TMEM132D: variants seen among roughly 807,000 people sequenced by gnomAD.
TMEM132D encodes the protein mature OL transmembrane protein.
In TMEM132D, 21 loss-of-function variants were observed where a neutral mutation model predicts 62.3. The ratio of observed to expected loss-of-function variants is 0.34; its 90% CI spans 0.24 to 0.49. The LOEUF (loss-of-function observed/expected upper bound fraction) is 0.49. TMEM132D is among the 20% of genes least tolerant of loss of function. TMEM132D has a pLI of 0.99. For synonymous variants in TMEM132D, 621 were observed against 575.6 expected, an observed-to-expected ratio of 1.08 and a Z score of -1.13; for missense variants, 1,346 against 1,402.8, an observed-to-expected ratio of 0.96 and a Z score of 0.65.
intron 3 of TMEM132D, among the ~76,000 whole-genome samples, chr12:129,416,385 T>A (rs1034695411): frequency 1.3e-5 from 2 of 152,210 alleles, no homozygotes; most frequent in Non-Finnish European, 2.9e-5. Context: ...ATGCTTGTGA[T>A]TTTTGCACAT....
At chr12:129,836,083 AC>A (rs2137338860) in intron 1 of TMEM132D, among the ~76,000 whole-genome samples, 1 of 152,332 alleles carries the variant, frequency 6.6e-6, no homozygotes, top group African/African-American at 2.4e-5. Context: ...AGCTCATGTA[AC>A]TGTGTCAATG....
intron 3 of TMEM132D, among the ~76,000 whole-genome samples, chr12:129,363,897 G>T (rs1357840919): frequency 6.6e-6 from 1 of 152,184 alleles, no homozygotes; most frequent in Non-Finnish European, 1.5e-5. Context: ...ATCTCAGAAA[G>T]CCACAGGGAA....
At chr12:129,701,307 G>A (rs532463665) in intron 1 of TMEM132D, among the ~76,000 whole-genome samples, 1 of 152,284 alleles carries the variant, frequency 6.6e-6, no homozygotes, top group Admixed American at 6.5e-5. Flanking sequence ...CATGGACAGT[G>A]GACACCCGCC....
intron 3 of TMEM132D, among the ~76,000 whole-genome samples, chr12:129,438,589 G>T (rs887624690): frequency 3.9e-5 from 6 of 152,146 alleles, no homozygotes; most frequent in Non-Finnish European, 8.8e-5. Flanking sequence ...GGATTTAGAG[G>T]TCGGGATACT....
chr12:129,613,629 G>A (rs189324707), intron 2 of TMEM132D, among the ~76,000 whole-genome samples: 533 of 152,340 alleles, frequency 3.5e-3, no homozygotes, highest in Non-Finnish European at 5.6e-3. Context: ...GTGTGCCATC[G>A]CAGCAACTTC....
intron 3 of TMEM132D, among the ~76,000 whole-genome samples, chr12:129,359,506 G>A (rs754527892): frequency 4.6e-5 from 7 of 152,104 alleles, no homozygotes; most frequent in Non-Finnish European, 7.3e-5. Context: ...TTGTTTATGC[G>A]CAGTTCCTGA....
chr12:129,835,870 T>A (rs1336591657), intron 1 of TMEM132D, among the ~76,000 whole-genome samples: 1 of 152,126 alleles, frequency 6.6e-6, no homozygotes, highest in Non-Finnish European at 1.5e-5. Context: ...AGTCTGACCC[T>A]CTAGGGGCTC....
chr12:129,865,029 C>G (rs572132639), intron 1 of TMEM132D, among the ~76,000 whole-genome samples: 8 of 152,250 alleles, frequency 5.3e-5, no homozygotes, highest in African/African-American at 1.9e-4. Context: ...AATGTCAGAA[C>G]TTATTTTCCA....
intron 4 of TMEM132D, among the ~76,000 whole-genome samples, chr12:129,280,313 A>G (rs1004800414): frequency 6.6e-6 from 1 of 152,236 alleles, no homozygotes; most frequent in Non-Finnish European, 1.5e-5. Flanking sequence ...TAATTTTAAC[A>G]TAAAGATTCT....
intron 1 of TMEM132D, among the ~76,000 whole-genome samples, chr12:129,716,966 C>T (rs1318990795): frequency 2.0e-5 from 3 of 152,176 alleles, no homozygotes; most frequent in African/African-American, 4.8e-5. Flanking sequence ...TGCAGGCCAA[C>T]GCTGAGGTGG....
chr12:129,892,599 G>C (rs1010725667), intron 1 of TMEM132D, among the ~76,000 whole-genome samples: 1 of 151,802 alleles, frequency 6.6e-6, no homozygotes, highest in African/African-American at 2.4e-5. Context: ...TTGCATAACT[G>C]TAAAATTTGG....
intron 1 of TMEM132D, among the ~76,000 whole-genome samples, chr12:129,875,696 G>T (rs989585460): frequency 6.6e-6 from 1 of 152,182 alleles, no homozygotes; most frequent in Non-Finnish European, 1.5e-5. Context: ...ATTTGGCAGG[G>T]AGGCAACGGG....
intron 4 of TMEM132D, among the ~76,000 whole-genome samples, chr12:129,270,089 C>T (rs1477115266): frequency 6.6e-6 from 1 of 152,192 alleles, no homozygotes; most frequent in Non-Finnish European, 1.5e-5. Context: ...TTTTCAGAGT[C>T]TCAATTTGTC....
At chr12:129,715,135 C>T (rs1868525983) in intron 1 of TMEM132D, among the ~76,000 whole-genome samples, 1 of 152,072 alleles carries the variant, frequency 6.6e-6, no homozygotes, top group African/African-American at 2.4e-5. Context: ...AACTTTTTTC[C>T]TTCCCCATTT....
chr12:129,616,426 T>C (rs1234112310), intron 2 of TMEM132D, among the ~76,000 whole-genome samples: 1 of 152,168 alleles, frequency 6.6e-6, no homozygotes, highest in African/African-American at 2.4e-5. Flanking sequence ...TTTGCTGATA[T>C]GAGAGATGAC....
At chr12:129,641,034 A>G (rs1879629163) in intron 2 of TMEM132D, among the ~76,000 whole-genome samples, 1 of 152,174 alleles carries the variant, frequency 6.6e-6, no homozygotes, top group East Asian at 1.9e-4. Flanking sequence ...ATTCTACATT[A>G]TGGTGAGTTG....
intron 1 of TMEM132D, among the ~76,000 whole-genome samples, chr12:129,881,475 T>C (rs1389059145): frequency 6.6e-6 from 1 of 151,916 alleles, no homozygotes; most frequent in Non-Finnish European, 1.5e-5. Flanking sequence ...AAAATATAAA[T>C]GCATTAACAT....
At chr12:129,403,278 T>C (rs1186614331) in intron 3 of TMEM132D, among the ~76,000 whole-genome samples, 1 of 146,560 alleles carries the variant, frequency 6.8e-6, no homozygotes, top group Non-Finnish European at 1.5e-5. Context: ...TCATCTAGAA[T>C]GCCGGAAAAC....
intron 4 of TMEM132D, among the ~76,000 whole-genome samples, chr12:129,287,566 A>T (rs1881335509): frequency 6.6e-6 from 1 of 152,202 alleles, no homozygotes; most frequent in African/African-American, 2.4e-5. Context: ...TAGTATCTCC[A>T]CATTTATTTG....
Sources: gnomAD v4.1 joint callset for allele counts (sites outside exome capture counted in the v4.1 genomes callset) on GRCh38, gnomAD v4.1.1 for gene constraint, MANE v1.5 for transcripts, NCBI Gene and HGNC (gene_info 2026-07-23, HGNC 2026-07-21) for gene names.